The following RILPL2 variants were observed in gnomAD, a reference collection of about 807,000 sequenced individuals.
RILPL2 encodes RILP-like protein 2.
In RILPL2, 19 loss-of-function variants were observed where a neutral mutation model predicts 22.2. The ratio of observed to expected loss-of-function variants is 0.86; its 90% CI spans 0.60 to 1.25. RILPL2 has a LOEUF of 1.25. Ranked by LOEUF, RILPL2 falls within the 50% of genes most tolerant of loss-of-function variation. RILPL2 has a pLI of 0.00. For synonymous variants in RILPL2, 123 were observed against 111.6 expected (o/e 1.10, Z -0.64); for missense variants, 243 against 263.6 (o/e 0.92, Z 0.54).
intron 3 of RILPL2, 58 bp downstream of exon 3, chr12:123,422,986 C>T (rs758035872): frequency 4.7e-6 from 6 of 1,285,700 alleles, no homozygotes; most frequent in East Asian, 4.6e-5. Flanking sequence ...TTCTTGCCCC[C>T]GACTACTTCC....
Position 123,419,730 on chromosome 12 carries a change from CGAGTAGCTGAAATT to C in RILPL2, c.605+3300_605+3313del, listed in dbSNP as rs1246855932. Among the ~76,000 whole-genome samples, 9 of 150,954 alleles carry C rather than the reference CGAGTAGCTGAAATT, an allele frequency of 6.0e-5. No individual in the cohort carries two copies. In the East Asian group the frequency reaches 9.7e-4, roughly 16 times the overall value. On this transcript the variant is annotated intron_variant, in intron 3 of 3. Coordinates refer to ENST00000280571, the MANE Select transcript of RILPL2 (RefSeq NM_145058.3). ...AAGTGATTATTCTACTTCAGCCTCCCGAGTAGCTGAAATTACAGAGGCCATGGCTAATTTTGTAT... is the reference window on the plus strand; with the variant it reads ...AAGTGATTATTCTACTTCAGCCTCCCACAGAGGCCATGGCTAATTTTGTAT...
Position 123,436,409 on chromosome 12 carries a change from G to C in RILPL2, c.12C>G (p.Pro4=). 6.5e-7 allele frequency: 1 copy of C among 1,548,400 alleles called. No individual in the cohort carries two copies. Among genetic ancestry groups the C allele is most frequent in the Non-Finnish European group, 8.7e-7 (1 of 1,146,954 alleles). The change falls in exon 1 of 4, where the codon CCC becomes CCG. Residue 4 remains proline (P), a synonymous_variant. Coordinates refer to ENST00000280571, the MANE Select transcript of RILPL2 (RefSeq NM_145058.3). This position sits in a 1 kb window ranked among gnomAD's most constrained non-coding sequence, Gnocchi z 6.7. ...CCTCCTCTTCCTCTTCTCGCACAGG[G>C]GGCTCCTCCATGGCCACCCAGACCC... MEE[P]PVREEEEEEG... is the part of the protein sequence containing the mutation.
chr12:123,418,723 A>T (rs890309771), intron 3 of RILPL2, among the ~76,000 whole-genome samples: 2 of 151,692 alleles, frequency 1.3e-5, no homozygotes, highest in Non-Finnish European at 2.9e-5. Context: ...TTCATCCAAG[A>T]ACCACTGACT....
In RILPL2 at chr12:123,430,704, A is replaced by AATT. The variant is rs750085601; in HGVS notation, c.340-48_340-46dup. The AATT allele has an allele frequency of 3.0e-4, 364 of 1,223,296 alleles. No individual in the cohort carries two copies. The East Asian group carries it at 3.0e-3, about 10-fold the overall frequency. The allele number at this position is 1,223,296 out of a possible 1,614,324, so 75.8% of individuals were successfully genotyped here. ...CTTTGCAAGCAACTCTATATAATTA[A>AATT]ATTATTATTATTATTATTATATTTT... On this transcript the variant is annotated intron_variant, in intron 1 of 3. Transcript: ENST00000280571.
chr12:123,409,550 C>CT, the RILPL2 span, among the ~76,000 whole-genome samples: 3,295 of 122,126 alleles, frequency 0.027, 57 homozygotes, highest in South Asian at 0.041. Context: ...AAAGTTAATG[C>CT]TTTTTTTTTT....
At chr12:123,424,250 C>G (rs1043455457) in intron 2 of RILPL2, among the ~76,000 whole-genome samples, 3 of 151,640 alleles carry the variant, frequency 2.0e-5, no homozygotes, top group African/African-American at 7.3e-5. Flanking sequence ...AATTTATATT[C>G]CAGTAGGAGA....
intron 2 of RILPL2, among the ~76,000 whole-genome samples, chr12:123,428,144 A>AT (rs1566092262): frequency 1.3e-5 from 2 of 150,998 alleles, no homozygotes; most frequent in Non-Finnish European, 3.0e-5. Context: ...ATTTTATTCT[A>AT]TTTTTTTTCT....
At chr12:123,421,608 T>C (rs1388633928) in intron 3 of RILPL2, among the ~76,000 whole-genome samples, 1 of 151,598 alleles carries the variant, frequency 6.6e-6, no homozygotes, top group African/African-American at 2.4e-5. Context: ...CCTTGCCCTC[T>C]GCCCCTGCTC....
intron 2 of RILPL2, among the ~76,000 whole-genome samples, chr12:123,426,105 G>A (rs561849729): frequency 3.3e-5 from 5 of 151,950 alleles, no homozygotes; most frequent in African/African-American, 4.8e-5. Context: ...CACCAAACCC[G>A]GCCTAAATTT....
At chr12:123,432,647 C>T (rs920051797) in intron 1 of RILPL2, among the ~76,000 whole-genome samples, 3 of 152,196 alleles carry the variant, frequency 2.0e-5, no homozygotes, top group South Asian at 2.1e-4. Flanking sequence ...TCTCATCTGC[C>T]GCCTGATGAA....
Position 123,436,041 on chromosome 12 carries a change from C to CGCAG in RILPL2, c.339+37_339+40dup. The CGCAG allele has an allele frequency of 6.5e-7, 1 of 1,542,430 alleles. No homozygotes were observed. The highest frequency in any genetic ancestry group is 8.8e-7 in the Non-Finnish European group (1 of 1,140,888). ...TGCCAGTAGGTGCCCTCCTACGCCCCGCAGGCGCCGTGGGCCCGGAACCCT... is the reference window on the plus strand; with the variant it reads ...TGCCAGTAGGTGCCCTCCTACGCCCCGCAGGCAGGCGCCGTGGGCCCGGAACCCT... On this transcript the variant is annotated intron_variant, in intron 1 of 3. Coordinates refer to ENST00000280571, the MANE Select transcript of RILPL2 (RefSeq NM_145058.3). This position sits in a 1 kb window ranked among gnomAD's most constrained non-coding sequence, Gnocchi z 6.7.
intron 2 of RILPL2, among the ~76,000 whole-genome samples, chr12:123,425,668 T>C (rs1192234068): frequency 6.6e-6 from 1 of 151,266 alleles, no homozygotes; most frequent in African/African-American, 2.4e-5. Context: ...TTTTTTTTTT[T>C]TGAGACAGAG....
At chr12:123,425,918 C>T (rs1790663252) in intron 2 of RILPL2, among the ~76,000 whole-genome samples, 8 of 151,986 alleles carry the variant, frequency 5.3e-5, no homozygotes, top group Admixed American at 5.2e-4. Flanking sequence ...TCCCAAAGTG[C>T]TGGGATTACA....
At chr12:123,416,044 C>T (rs1593486023) in intron 3 of RILPL2, 123 bp from the exon 4 acceptor site, 2 of 947,018 alleles carry the variant, frequency 2.1e-6, no homozygotes, top group East Asian at 4.8e-5. Context: ...CCAGGCCAGG[C>T]ATTGTGGCTC....
rs557745120 is a variant in RILPL2, at chr12:123,436,204, C to G, written c.217G>C (p.Glu73Gln). The change falls in exon 1 of 4, where the codon GAG (glutamate) becomes CAG (glutamine). Residue 73 changes from glutamate (E) to glutamine (Q), a missense_variant. Coordinates refer to ENST00000280571, the MANE Select transcript of RILPL2 (RefSeq NM_145058.3). The surrounding 1 kb of genome is among the most constrained non-coding windows in gnomAD (Gnocchi z 6.7). ...TCATTCACCAGCGCCTCCAGCATCT[C>G]CAGGACGCGGACGACTTTGAACTGC... is the stretch of plus-strand genomic sequence containing the variant. ...QLQFKVVRVL[E>Q]MLEALVNEGS... 8 of 1,612,402 alleles carry G rather than the reference C, an allele frequency of 5.0e-6. No individual in the cohort carries two copies. In the African/African-American group the frequency reaches 8.0e-5, roughly 16 times the overall value.
Position 123,436,326 on chromosome 12 carries a change from C to G in RILPL2, c.95G>C (p.Ser32Thr), listed in dbSNP as rs1433492491. 6.3e-7 allele frequency: 1 copy of G among 1,577,252 alleles called. No individual in the cohort carries two copies. The highest frequency in any genetic ancestry group is 8.6e-7 in the Non-Finnish European group (1 of 1,161,846). The change falls in exon 1 of 4, where the codon AGC becomes ACC. Residue 32 changes from serine (S) to threonine (T), a missense_variant. Coordinates refer to ENST00000280571, the MANE Select transcript of RILPL2 (RefSeq NM_145058.3). The surrounding 1 kb of genome is among the most constrained non-coding windows in gnomAD (Gnocchi z 6.7). ...EVGPEGALGK[S>T]PFQLTAEDVY... ...GTCCTCGGCGGTCAGCTGGAAGGGG[C>G]TCTTGCCCAGCGCCCCCTCGGGCCC...
intron 3 of RILPL2, among the ~76,000 whole-genome samples, chr12:123,421,016 GCTCA>G (rs1879268277): frequency 6.6e-6 from 1 of 151,614 alleles, no homozygotes; most frequent in Non-Finnish European, 1.5e-5. Context: ...CATAGCAAAT[GCTCA>G]CTAAGTGGGA....
Position 123,425,931 on chromosome 12 carries a change from C to T in RILPL2, c.492-2774G>A, listed in dbSNP as rs1292338492. Among the ~76,000 whole-genome samples the T allele has an allele frequency of 4.6e-5, 7 of 151,890 alleles. No individual in the cohort carries two copies. In the South Asian group the frequency reaches 1.0e-3, roughly 23 times the overall value. On this transcript the variant is annotated intron_variant, in intron 2 of 3. Coordinates refer to ENST00000280571, the MANE Select transcript of RILPL2 (RefSeq NM_145058.3). ...CCTCCCAAAGTGCTGGGATTACAGG[C>T]GTGAGCCACTGTGCTCAGCCATTTC...
intron 3 of RILPL2, 127 bp from the exon 4 acceptor site, chr12:123,416,048 G>A (rs1230563922): frequency 1.1e-6 from 1 of 919,108 alleles, no homozygotes; most frequent in Admixed American, 1.7e-5. Context: ...GCCAGGCATT[G>A]TGGCTCACGC....
Sources: gnomAD v4.1 joint callset for allele counts (sites outside exome capture counted in the v4.1 genomes callset) on GRCh38, gnomAD v4.1.1 for gene constraint, Gnocchi (gnomAD v3.1) non-coding constraint, MANE v1.5 for transcripts, NCBI Gene and HGNC (gene_info 2026-07-23, HGNC 2026-07-21) for gene names.